Variants in TMEM167A observed in about 807,000 individuals in gnomAD.
The protein encoded by TMEM167A is protein kish-A.
A neutral mutation model predicts 11.6 loss-of-function variants in TMEM167A; 8 were observed. The observed-to-expected ratio is 0.69, with a 90% CI of 0.40 to 1.24. TMEM167A has a LOEUF of 1.24. Ranked by LOEUF, TMEM167A falls within the 50% of genes most tolerant of loss-of-function variation. The probability of loss-of-function intolerance (pLI) is 0.01; values close to 1 mark genes in which losing one functional copy is unlikely to be tolerated. For synonymous variants in TMEM167A, 22 were observed against 28.0 expected (o/e 0.79, Z 0.67); for missense variants, 62 against 87.0 (o/e 0.71, Z 1.14).
chr5:83,057,185 T>C, intron 3 of TMEM167A, 31 bp from the exon 4 acceptor site: 3 of 1,599,908 alleles, frequency 1.9e-6, no homozygotes, highest in African/African-American at 1.3e-5. Flanking sequence ...TTCATCTTGA[T>C]TAACTGAGTG....
intron 1 of TMEM167A, 119 bp downstream of exon 1, chr5:83,077,202 T>A: frequency 6.8e-7 from 1 of 1,468,658 alleles, no homozygotes; most frequent in Non-Finnish European, 9.5e-7. Flanking sequence ...ACCACATGGC[T>A]CCAAGGCCTC....
At position 83,074,990 on chromosome 5, in the gene TMEM167A, C is replaced by T. The variant is rs189162449; in HGVS notation, c.3+2331G>A. On this transcript the variant is annotated intron_variant, in intron 1 of 3. Transcript: ENST00000502346. ...TCTCCACACTGGTCAGGCTGGTCTCCAACTCCCGACCTCAGTTGATCTACC... is the reference window on the plus strand; with the variant it reads ...TCTCCACACTGGTCAGGCTGGTCTCTAACTCCCGACCTCAGTTGATCTACC... Among the ~76,000 whole-genome samples, 136 of 152,154 alleles carry T rather than the reference C, an allele frequency of 8.9e-4. No individual in the cohort carries two copies. In the Middle Eastern group the frequency reaches 0.014, roughly 15 times the overall value.
chr5:83,060,692 G>A (rs113920633), intron 3 of TMEM167A, among the ~76,000 whole-genome samples: 6,406 of 151,864 alleles, frequency 0.042, 420 homozygotes, highest in African/African-American at 0.15. Context: ...TTAGCTGGGC[G>A]TGGTGGTGGG....
At chr5:83,062,290 C>T (rs1159891129) in intron 2 of TMEM167A, among the ~76,000 whole-genome samples, 1 of 152,076 alleles carries the variant, frequency 6.6e-6, no homozygotes, top group Non-Finnish European at 1.5e-5. Flanking sequence ...GTTAAATGAA[C>T]ATTTTTTGGT....
chr5:83,064,810 A>C (rs555922052), intron 2 of TMEM167A, among the ~76,000 whole-genome samples, 198 bp downstream of exon 2: 13 of 152,272 alleles, frequency 8.5e-5, no homozygotes, highest in African/African-American at 2.9e-4. Flanking sequence ...ATTTTAGGTC[A>C]CTTCTGAAAT....
Position 83,077,361 on chromosome 5 carries a change from G to C in TMEM167A, c.-38C>G, listed in dbSNP as rs752579448. 6.2e-7 allele frequency: 1 copy of C among 1,614,096 alleles called. No homozygotes were observed. Among genetic ancestry groups the C allele is most frequent in the Non-Finnish European group, 8.5e-7 (1 of 1,179,992 alleles). Reference sequence around the variant, plus strand: ...GATGCCGCAGCCACATCACCCTTCCGGGGCTCAGGCGGAAGAGGCTGCATG... The same window carrying C: ...GATGCCGCAGCCACATCACCCTTCCCGGGCTCAGGCGGAAGAGGCTGCATG... On this transcript the variant is annotated 5_prime_UTR_variant, in exon 1 of 4. Coordinates refer to ENST00000502346, the MANE Select transcript of TMEM167A (RefSeq NM_174909.5).
At chr5:83,068,960 C>CATT in intron 1 of TMEM167A, among the ~76,000 whole-genome samples, 1 of 152,180 alleles carries the variant, frequency 6.6e-6, no homozygotes, top group Non-Finnish European at 1.5e-5. Flanking sequence ...TATGAGGGTT[C>CATT]ATTATAGGCT....
At chr5:83,075,817 T>A (rs1580180508) in intron 1 of TMEM167A, among the ~76,000 whole-genome samples, 2 of 152,038 alleles carry the variant, frequency 1.3e-5, no homozygotes, top group South Asian at 4.1e-4. Context: ...ACCTCACAAA[T>A]AAACTAAGTT....
rs540181098 is a variant in TMEM167A, at chr5:83,061,629, A to G, written c.148+248T>C. Among the ~76,000 whole-genome samples the G allele has an allele frequency of 8.9e-4, 136 of 152,316 alleles. No individual in the cohort carries two copies. In the Middle Eastern group the frequency reaches 0.014, roughly 15 times the overall value. On this transcript the variant is annotated intron_variant, in intron 3 of 3. Transcript: ENST00000502346. Reference sequence around the variant, plus strand: ...AGACTGGTCTCAAACTCCTGACCTCAGGTAATCCTCCTGCCTTGGCCTCAA... The same window carrying G: ...AGACTGGTCTCAAACTCCTGACCTCGGGTAATCCTCCTGCCTTGGCCTCAA...
intron 3 of TMEM167A, among the ~76,000 whole-genome samples, chr5:83,057,448 C>T (rs1310731262): frequency 1.3e-5 from 2 of 151,982 alleles, no homozygotes; most frequent in African/African-American, 2.4e-5. Flanking sequence ...AAATACAATG[C>T]AGAATGTAGG....
intron 1 of TMEM167A, among the ~76,000 whole-genome samples, chr5:83,073,546 A>G (rs571073070): frequency 3.3e-5 from 5 of 152,344 alleles, no homozygotes; most frequent in African/African-American, 1.2e-4. Context: ...GCTATTTGCT[A>G]TTTCAGTTCA....
chr5:83,076,746 T>G (rs1392845105), intron 1 of TMEM167A, among the ~76,000 whole-genome samples: 1 of 152,226 alleles, frequency 6.6e-6, no homozygotes, highest in Non-Finnish European at 1.5e-5. Context: ...ACCACTCCAA[T>G]AAGTACATTA....
chr5:83,058,343 G>T (rs1744361662), intron 3 of TMEM167A, among the ~76,000 whole-genome samples: 1 of 151,852 alleles, frequency 6.6e-6, no homozygotes, highest in South Asian at 2.1e-4. Context: ...AACTTTTGGG[G>T]TTTTTCTGAA....
chr5:83,062,044 C>CT (rs1478150821), intron 2 of TMEM167A, 133 bp from the exon 3 acceptor site: 25 of 699,184 alleles, frequency 3.6e-5, no homozygotes, highest in Non-Finnish European at 5.9e-5. Flanking sequence ...AATTTGAAAT[C>CT]TCCTTATTTG....
At chr5:83,061,999 TATATTAAC>T in intron 2 of TMEM167A, 88 bp from the exon 3 acceptor site, 3 of 1,044,874 alleles carry the variant, frequency 2.9e-6, no homozygotes, top group Non-Finnish European at 4.4e-6. Context: ...GAATTAATTG[TATATTAAC>T]ATATTAACCT....
At chr5:83,062,846 T>G (rs1744426152) in intron 2 of TMEM167A, among the ~76,000 whole-genome samples, 1 of 148,648 alleles carries the variant, frequency 6.7e-6, no homozygotes, top group Admixed American at 6.6e-5. Flanking sequence ...AAATTTATAG[T>G]ATACTTTTTT....
chr5:83,072,798 T>A (rs1049118483), intron 1 of TMEM167A, among the ~76,000 whole-genome samples: 1 of 152,244 alleles, frequency 6.6e-6, no homozygotes, highest in South Asian at 2.1e-4. Context: ...CAATCAGTAT[T>A]CAAAAGCTTT....
intron 3 of TMEM167A, 115 bp downstream of exon 3, chr5:83,061,762 T>A: frequency 9.5e-7 from 1 of 1,054,488 alleles, no homozygotes; most frequent in Non-Finnish European, 1.4e-6. Flanking sequence ...CGAAAATGCA[T>A]AAAATTGGGA....
chr5:83,070,787 G>A (rs1744548786), intron 1 of TMEM167A, among the ~76,000 whole-genome samples: 1 of 151,740 alleles, frequency 6.6e-6, no homozygotes, highest in Non-Finnish European at 1.5e-5. Context: ...AGTCATTTCT[G>A]AACACTAAAA....
Sources: allele counts gnomAD v4.1 joint callset (sites outside exome capture counted in the v4.1 genomes callset), GRCh38; gene constraint gnomAD v4.1.1; transcripts MANE v1.5; gene names NCBI Gene and HGNC (gene_info 2026-07-23, HGNC 2026-07-21).